Variants in TDRD12 observed in about 807,000 individuals in gnomAD.
TDRD12 encodes the protein tudor domain containing 12.
Under a neutral mutation model 133.5 loss-of-function variants are expected in TDRD12, and 158 were observed. That is an observed-to-expected ratio of 1.18 (90% confidence interval 1.04 to 1.35). The LOEUF is 1.35. TDRD12 is among the 40% of genes most tolerant of loss of function. The probability of loss-of-function intolerance (pLI) is 0.00; values close to 1 mark genes in which losing one functional copy is unlikely to be tolerated. For missense variants in TDRD12, 1,443 were observed against 1,321.3 expected, an observed-to-expected ratio of 1.09 and a Z score of -1.43; for synonymous variants, 460 against 477.9, an observed-to-expected ratio of 0.96 and a Z score of 0.49.
At chr19:32,734,637 C>A (rs779526779) in intron 2 of TDRD12, among the ~76,000 whole-genome samples, 2 of 151,816 alleles carry the variant, frequency 1.3e-5, no homozygotes, top group South Asian at 4.2e-4. Flanking sequence ...CCTCCCAAAA[C>A]GCTGGGATTA....
intron 11 of TDRD12, among the ~76,000 whole-genome samples, chr19:32,789,088 G>A (rs1322117375): frequency 1.3e-5 from 2 of 151,806 alleles, no homozygotes; most frequent in Non-Finnish European, 2.9e-5. Flanking sequence ...GTCTGGTGTG[G>A]AGTAGTGTAA....
chr19:32,740,694 A>G (rs1282648230), intron 3 of TDRD12, among the ~76,000 whole-genome samples: 1 of 152,170 alleles, frequency 6.6e-6, no homozygotes, highest in Non-Finnish European at 1.5e-5. Flanking sequence ...AGACACTTCC[A>G]GGAGGTAGAG....
intron 8 of TDRD12, among the ~76,000 whole-genome samples, chr19:32,762,178 A>G (rs892696677): frequency 1.1e-4 from 16 of 152,134 alleles, no homozygotes; most frequent in Admixed American, 3.9e-4. Flanking sequence ...CAGAGCAGAA[A>G]TGTTTAGTTT....
At chr19:32,751,409 C>T (rs1969823758) in intron 6 of TDRD12, among the ~76,000 whole-genome samples, 1 of 152,062 alleles carries the variant, frequency 6.6e-6, no homozygotes, top group Non-Finnish European at 1.5e-5. Flanking sequence ...TTAGTTTTTC[C>T]TTCTGAAATT....
chr19:32,794,395 G>A lies in TDRD12; in HGVS notation c.1288-233G>A, dbSNP rs141951753. 5.7e-3 allele frequency among the ~76,000 whole-genome samples: 868 copies of A among 152,138 alleles called. 9 individuals are homozygous for A. Among genetic ancestry groups the A allele is most frequent in the African/African-American group, 0.019 (796 of 41,488 alleles). On this transcript the variant is annotated intron_variant, in intron 13 of 27. Transcript: ENST00000444215. ...GCTGGGATTACAGGCATGAGCCACCGTGCCCTGCCTAGCAAGAATCTTTTA... is the reference window on the plus strand; with the variant it reads ...GCTGGGATTACAGGCATGAGCCACCATGCCCTGCCTAGCAAGAATCTTTTA...
chr19:32,801,718 C>A, intron 18 of TDRD12, 38 bp from the exon 19 acceptor site: 2 of 797,840 alleles, frequency 2.5e-6, no homozygotes, highest in Admixed American at 2.8e-5. Context: ...CAGCCTATAT[C>A]CCTGACTGTG....
downstream of TDRD12, chr19:32,826,234 C>A: frequency 6.8e-7 from 1 of 1,479,536 alleles, no homozygotes; most frequent in Non-Finnish European, 9.0e-7. Flanking sequence ...GCAGGTCTTT[C>A]TTCTTCTAGC....
exon 24 of TDRD12, chr19:32,811,252 C>T: frequency 1.3e-6 from 2 of 1,536,008 alleles, no homozygotes; most frequent in Non-Finnish European, 1.7e-6. Flanking sequence ...ACGCCTGGGC[C>T]CTGGATGACA....
At chr19:32,794,137 G>T (rs375066839) in intron 13 of TDRD12, among the ~76,000 whole-genome samples, 1 of 104,308 alleles carries the variant, frequency 9.6e-6, no homozygotes, top group East Asian at 2.9e-4. Flanking sequence ...ATGGAGTCTC[G>T]CTCTGTCACC....
chr19:32,793,870 C>A (rs550078816), intron 13 of TDRD12, among the ~76,000 whole-genome samples: 1 of 148,336 alleles, frequency 6.7e-6, no homozygotes, highest in South Asian at 2.1e-4. Context: ...TCTCGGCTCA[C>A]CACAACCTGT....
intron 3 of TDRD12, among the ~76,000 whole-genome samples, chr19:32,740,479 CTCTCTGCATCTCCTGTGT>C (rs1350627281): frequency 9.2e-5 from 14 of 151,620 alleles, no homozygotes; most frequent in African/African-American, 3.4e-4. Context: ...CTCCTGGGTG[CTCTCTGCATCTCCTGTGT>C]TCTCTGCATC....
chr19:32,738,792 A>T, intron 2 of TDRD12, 64 bp from the exon 3 acceptor site: 1 of 1,499,622 alleles, frequency 6.7e-7, no homozygotes, highest in Non-Finnish European at 9.0e-7. Flanking sequence ...CAGCCTGGGC[A>T]ATGGAGTAAC....
At chr19:32,728,301 A>T (rs1384999894) in intron 1 of TDRD12, among the ~76,000 whole-genome samples, 1 of 152,140 alleles carries the variant, frequency 6.6e-6, no homozygotes, top group Non-Finnish European at 1.5e-5. Context: ...AAAAAATATC[A>T]TTGTGGATTT....
At chr19:32,792,320 A>T (rs1971095951) in intron 13 of TDRD12, among the ~76,000 whole-genome samples, 1 of 152,138 alleles carries the variant, frequency 6.6e-6, no homozygotes, top group South Asian at 2.1e-4. Flanking sequence ...TAAAGAATAA[A>T]TATCCCCAGA....
exon 10 of TDRD12, chr19:32,773,518 T>A: frequency 6.4e-7 from 1 of 1,551,744 alleles, no homozygotes; most frequent in Non-Finnish European, 8.7e-7. Context: ...CTGATCCAGA[T>A]GTACCAGAAG....
intron 26 of TDRD12, 106 bp downstream of exon 26, chr19:32,815,726 T>C: frequency 8.8e-7 from 1 of 1,130,298 alleles, no homozygotes. Flanking sequence ...CTGGGTGCGG[T>C]GGCTCACACC....
chr19:32,727,014 C>T (rs1042396287), intron 1 of TDRD12, among the ~76,000 whole-genome samples: 23 of 152,148 alleles, frequency 1.5e-4, no homozygotes, highest in African/African-American at 5.6e-4. Context: ...GCCACCCTAC[C>T]ATTTTCCACA....
chr19:32,740,139 G>T (rs1416090199), intron 3 of TDRD12, among the ~76,000 whole-genome samples: 1 of 114,550 alleles, frequency 8.7e-6, no homozygotes. Flanking sequence ...TCTCCTGGGT[G>T]CTCTCTGCAT....
At chr19:32,723,244 T>A (rs1968745884) in intron 1 of TDRD12, among the ~76,000 whole-genome samples, 1 of 151,960 alleles carries the variant, frequency 6.6e-6, no homozygotes, top group Non-Finnish European at 1.5e-5. Flanking sequence ...TGTAGCTTTA[T>A]AGGTAACTAT....
Sources: gnomAD v4.1 joint callset for allele counts (sites outside exome capture counted in the v4.1 genomes callset) on GRCh38, gnomAD v4.1.1 for gene constraint, MANE v1.5 for transcripts, NCBI Gene and HGNC (gene_info 2026-07-23, HGNC 2026-07-21) for gene names.